The following CTNNA2 variants were observed in gnomAD, a reference collection of about 807,000 sequenced individuals.
CTNNA2 encodes catenin alpha 2, also known as catenin alpha-2.
Under a neutral mutation model 101.0 loss-of-function variants are expected in CTNNA2, and 42 were observed. That is an observed-to-expected ratio of 0.42 (90% CI 0.32 to 0.54). CTNNA2 has a LOEUF of 0.54. CTNNA2 is among the 20% of genes least tolerant of loss of function. CTNNA2 has a pLI of 0.14. For missense variants in CTNNA2, 871 were observed against 1,223.1 expected (o/e 0.71, Z 4.29); for synonymous variants, 450 against 456.4 (o/e 0.99, Z 0.18).
At chr2:79,946,930 G>T (rs564336530) in intron 7 of CTNNA2, among the ~76,000 whole-genome samples, 8 of 152,330 alleles carry the variant, frequency 5.3e-5, no homozygotes, top group Admixed American at 4.6e-4. Context: ...GAAGGAGACA[G>T]ACATCGTTAT....
chr2:79,504,314 G>A lies in CTNNA2; in HGVS notation c.-134-740G>A, dbSNP rs561044275. The stretch of plus-strand genomic sequence containing the variant: ...TTTGTTTGTTTGTTTTGTTTTGACG[G>A]AATCTTGCTCTGTCACCCAGGCTGG... On this transcript the variant is annotated intron_variant, in intron 4 of 21. Transcript: ENST00000466387. 4.6e-5 allele frequency among the ~76,000 whole-genome samples: 7 copies of A among 151,956 alleles called. No individual in the cohort carries two copies. The East Asian group carries it at 7.7e-4, about 17-fold the overall frequency.
intron 4 of CTNNA2, among the ~76,000 whole-genome samples, chr2:79,457,085 C>T (rs1424699911): frequency 1.3e-5 from 2 of 151,644 alleles, no homozygotes; most frequent in South Asian, 2.1e-4. Context: ...GCCTGTAGTC[C>T]CAGCTACTCA....
Position 80,004,025 on chromosome 2 carries a change from C to T in CTNNA2, c.1056+94228C>T, listed in dbSNP as rs374858377. 3.9e-5 allele frequency among the ~76,000 whole-genome samples: 6 copies of T among 152,096 alleles called. No homozygotes were observed. In the East Asian group the frequency reaches 7.7e-4, roughly 20 times the overall value. On this transcript the variant is annotated intron_variant, in intron 7 of 18. Coordinates refer to ENST00000402739, the MANE Select transcript of CTNNA2 (RefSeq NM_001282597.3). ...AATTTCTATAGTGTAAACTGAGGCA[C>T]GTTTGCTCTGTGGACTCTTCATAAG...
At chr2:79,470,185 A>G (rs749143967) in intron 4 of CTNNA2, among the ~76,000 whole-genome samples, 13 of 152,324 alleles carry the variant, frequency 8.5e-5, no homozygotes, top group Admixed American at 2.0e-4. Flanking sequence ...TTAGGAGGCC[A>G]GTGATATCAA....
intron 6 of CTNNA2, among the ~76,000 whole-genome samples, chr2:79,901,256 C>T (rs796332849): frequency 4.8e-4 from 72 of 151,106 alleles, no homozygotes; most frequent in African/African-American, 1.6e-3. Context: ...TGAATGACTG[C>T]ATAGAGGCAT....
At chr2:79,818,895 GCACACACACA>G (rs56218833) in intron 3 of CTNNA2, among the ~76,000 whole-genome samples, 5 of 125,526 alleles carry the variant, frequency 4.0e-5, no homozygotes, top group Non-Finnish European at 8.1e-5. Context: ...AGCACTAATA[GCACACACACA>G]CACACACACA....
chr2:80,575,389 C>A (rs895870163), intron 13 of CTNNA2: 1 of 152,002 alleles, frequency 6.6e-6, no homozygotes, highest in Non-Finnish European at 1.5e-5. Context: ...TTGTTTGGCA[C>A]GGAGCCTAAA....
chr2:79,746,115 A>G (rs931458706), intron 3 of CTNNA2, among the ~76,000 whole-genome samples: 4 of 152,170 alleles, frequency 2.6e-5, no homozygotes, highest in Non-Finnish European at 5.9e-5. Flanking sequence ...TTGTGAGGTG[A>G]TATCTCATTG....
chr2:79,466,644 C>T (rs993067128), intron 4 of CTNNA2, among the ~76,000 whole-genome samples: 5 of 152,210 alleles, frequency 3.3e-5, no homozygotes, highest in African/African-American at 1.2e-4. Flanking sequence ...GGCAGACTGA[C>T]ACCCCACACA....
chr2:79,425,326 A>C (rs2104505499), intron 4 of CTNNA2, among the ~76,000 whole-genome samples: 1 of 152,326 alleles, frequency 6.6e-6, no homozygotes, highest in East Asian at 1.9e-4. Context: ...TTCTTGCAAT[A>C]GAAAATTCAA....
At chr2:80,295,777 T>A (rs1459145418) in intron 7 of CTNNA2, among the ~76,000 whole-genome samples, 1 of 152,204 alleles carries the variant, frequency 6.6e-6, no homozygotes, top group East Asian at 1.9e-4. Context: ...CCCTATTTCT[T>A]CCAGAGCGCT....
At chr2:79,610,258 T>G (rs1028498820) in intron 1 of CTNNA2, among the ~76,000 whole-genome samples, 25 of 152,274 alleles carry the variant, frequency 1.6e-4, no homozygotes, top group Middle Eastern at 3.4e-3. Flanking sequence ...CCGATTCAAC[T>G]GCAAGTTTTT....
chr2:80,525,388 C>T (rs1161066275), intron 9 of CTNNA2, among the ~76,000 whole-genome samples: 1 of 151,936 alleles, frequency 6.6e-6, no homozygotes, highest in African/African-American at 2.4e-5. Context: ...CTGGATTTCC[C>T]CTTCTGTGTT....
chr2:80,360,627 G>A (rs1674311634), intron 7 of CTNNA2, among the ~76,000 whole-genome samples: 3 of 152,098 alleles, frequency 2.0e-5, no homozygotes, highest in Admixed American at 2.0e-4. Flanking sequence ...GGTACTCTAT[G>A]ATTAGTCCCT....
intron 4 of CTNNA2, among the ~76,000 whole-genome samples, chr2:79,493,249 A>T (rs1671222078): frequency 6.6e-6 from 1 of 152,086 alleles, no homozygotes; most frequent in Non-Finnish European, 1.5e-5. Context: ...GAGAGAAGGG[A>T]AGGGAAAAAG....
At chr2:80,286,545 T>C (rs555393150) in intron 7 of CTNNA2, among the ~76,000 whole-genome samples, 6 of 152,228 alleles carry the variant, frequency 3.9e-5, no homozygotes, top group South Asian at 2.1e-4. Context: ...GTTGAGCATT[T>C]TGCTGGTGCG....
intron 2 of CTNNA2, among the ~76,000 whole-genome samples, chr2:79,243,393 G>T (rs572028107): frequency 2.6e-4 from 40 of 152,270 alleles, no homozygotes; most frequent in Admixed American, 5.2e-4. Flanking sequence ...CTATAGATTT[G>T]TTGTTGCAGT....
intron 3 of CTNNA2, among the ~76,000 whole-genome samples, chr2:79,802,778 T>A (rs1408406831): frequency 6.6e-6 from 1 of 152,266 alleles, no homozygotes; most frequent in Non-Finnish European, 1.5e-5. Context: ...TGCTTTTTTG[T>A]GTGTGACTGT....
intron 9 of CTNNA2, among the ~76,000 whole-genome samples, chr2:80,511,691 A>G (rs1688713119): frequency 6.6e-6 from 1 of 152,322 alleles, no homozygotes; most frequent in African/African-American, 2.4e-5. Context: ...TCTGGTAGAG[A>G]ATAGAGTACT....
Sources: gnomAD v4.1 joint callset for allele counts (sites outside exome capture counted in the v4.1 genomes callset) on GRCh38, gnomAD v4.1.1 for gene constraint, MANE v1.5 for transcripts, NCBI Gene and HGNC (gene_info 2026-07-23, HGNC 2026-07-21) for gene names.